The following C8orf34 variants were observed in gnomAD, a reference collection of about 807,000 sequenced individuals.
C8orf34 encodes uncharacterized protein C8orf34.
A neutral mutation model predicts 68.3 loss-of-function variants in C8orf34; 65 were observed. The observed-to-expected ratio is 0.95, with a 90% CI of 0.78 to 1.17. The LOEUF is 1.17. Among genes scored for constraint, C8orf34 ranks in the 50% most tolerant of loss-of-function variants. The probability of loss-of-function intolerance (pLI) is 0.00; values close to 1 mark genes in which losing one functional copy is unlikely to be tolerated. For missense variants in C8orf34, 664 were observed against 655.4 expected, an observed-to-expected ratio of 1.01 and a Z score of -0.14; for synonymous variants, 244 against 241.2, an observed-to-expected ratio of 1.01 and a Z score of -0.11.
At chr8:68,574,013 A>G (rs903811031) in intron 7 of C8orf34, among the ~76,000 whole-genome samples, 1 of 152,160 alleles carries the variant, frequency 6.6e-6, no homozygotes, top group African/African-American at 2.4e-5. Flanking sequence ...TACAGTTAAG[A>G]AACTGATTTA....
In C8orf34 at chr8:68,755,934, G is replaced by T. The variant is rs368373885; in HGVS notation, c.1405-20465G>T. ...AAAAAAAAATTAGCCGGGCGTGATG[G>T]CGGGCGCCTGTAGTCCCAGCTACTC... is the stretch of plus-strand genomic sequence containing the variant. On this transcript the variant is annotated intron_variant, in intron 10 of 13. Transcript: ENST00000518698. 2.1e-3 allele frequency among the ~76,000 whole-genome samples: 324 copies of T among 152,128 alleles called. 3 individuals are homozygous for T. The highest frequency in any genetic ancestry group is 7.3e-3 in the African/African-American group (304 of 41,488).
chr8:68,406,209 G>C (rs1809185585), intron 1 of C8orf34, among the ~76,000 whole-genome samples: 1 of 152,086 alleles, frequency 6.6e-6, no homozygotes, highest in Non-Finnish European at 1.5e-5. Flanking sequence ...CTGGTCCTCT[G>C]GGGGCTTTGG....
chr8:68,745,711 A>G (rs1822466541), intron 10 of C8orf34, among the ~76,000 whole-genome samples: 1 of 152,162 alleles, frequency 6.6e-6, no homozygotes, highest in Non-Finnish European at 1.5e-5. Flanking sequence ...TGCACCCAAT[A>G]CAGGAGCACC....
rs1004911835 is a variant in C8orf34, at chr8:68,661,783, T to C, written c.1241+21272T>C. On this transcript the variant is annotated intron_variant, in intron 8 of 13. Coordinates refer to ENST00000518698, the MANE Select transcript of C8orf34 (RefSeq NM_052958.4). ...ATATCTGGTGTAAGCACTTGTGGGG[T>C]AGTTGGAGGTTCTCGGGGGACCCTT... Among the ~76,000 whole-genome samples, 144 of 152,032 alleles carry C rather than the reference T, an allele frequency of 9.5e-4. 1 individual carries two copies. Among genetic ancestry groups the C allele is most frequent in the Middle Eastern group, 3.4e-3 (1 of 294 alleles).
intron 9 of C8orf34, among the ~76,000 whole-genome samples, chr8:68,718,861 T>C (rs1211458885): frequency 6.6e-6 from 1 of 152,200 alleles, no homozygotes. Flanking sequence ...AGGTTTCTGG[T>C]AAAATTACTT....
chr8:68,725,279 T>C (rs1563632036), intron 10 of C8orf34, among the ~76,000 whole-genome samples: 1 of 152,224 alleles, frequency 6.6e-6, no homozygotes, highest in East Asian at 1.9e-4. Context: ...TTTTCTTTTT[T>C]CCTTGTAAAT....
chr8:68,755,201 C>T (rs1483790882), intron 10 of C8orf34, among the ~76,000 whole-genome samples: 1 of 152,138 alleles, frequency 6.6e-6, no homozygotes, highest in African/African-American at 2.4e-5. Context: ...TGCATTCAAA[C>T]TAAAGCCCAA....
chr8:68,672,991 C>T (rs1820064425), intron 8 of C8orf34, among the ~76,000 whole-genome samples: 1 of 152,104 alleles, frequency 6.6e-6, no homozygotes, highest in South Asian at 2.1e-4. Context: ...GGCCCTAGCT[C>T]TCAGATGACA....
chr8:68,351,465 C>G lies in C8orf34; in HGVS notation c.327+20126C>G, dbSNP rs145036785. Among the ~76,000 whole-genome samples, 63 of 151,980 alleles carry G rather than the reference C, an allele frequency of 4.1e-4. No individual in the cohort carries two copies. In the East Asian group the frequency reaches 0.011, roughly 26 times the overall value. On this transcript the variant is annotated intron_variant, in intron 1 of 13. Transcript: ENST00000518698. ...GATGATCTTCTTGTGTAGAATCTTG[C>G]AAGAATTCTCTGTATTTCCTGAATT... is the stretch of plus-strand genomic sequence containing the variant.
intron 12 of C8orf34, among the ~76,000 whole-genome samples, chr8:68,794,399 G>A (rs1824103827): frequency 5.4e-5 from 1 of 18,654 alleles, no homozygotes; most frequent in Non-Finnish European, 9.1e-5. Context: ...TCGAACTCCT[G>A]GGCTCAAGCA....
chr8:68,497,624 A>G (rs907048794), intron 5 of C8orf34, among the ~76,000 whole-genome samples: 1 of 152,228 alleles, frequency 6.6e-6, no homozygotes, highest in Non-Finnish European at 1.5e-5. Context: ...CCATTAAAAT[A>G]AAAATACTGG....
chr8:68,534,389 A>G, intron 7 of C8orf34: 2 of 931,866 alleles, frequency 2.1e-6, no homozygotes, highest in Non-Finnish European at 2.6e-6. Context: ...TATGCTAAGC[A>G]CTTGGCTGGG....
At chr8:68,597,138 G>A (rs1274285632) in intron 7 of C8orf34, among the ~76,000 whole-genome samples, 2 of 152,016 alleles carry the variant, frequency 1.3e-5, no homozygotes, top group East Asian at 1.9e-4. Flanking sequence ...ATGGTGGTGG[G>A]AAGTTTCTGG....
chr8:68,532,985 T>G lies in C8orf34; in HGVS notation c.941T>G (p.Leu314Ter). 3.8e-6 allele frequency: 6 copies of G among 1,574,856 alleles called. No individual in the cohort carries two copies. The highest frequency in any genetic ancestry group is 5.2e-6 in the Non-Finnish European group (6 of 1,159,548). ...EDSGSSPAGS[L>*]KMEPKNKGLK... is the part of the protein sequence containing the mutation. ...TTAACATTTAAATATTTCTTCAGCT[T>G]AAAGATGGAGCCTAAGAACAAAGGA... Residue 314 changes from leucine (L) to a stop codon, truncating the protein, a stop_gained and splice_region_variant, in exon 7 of 14, where the codon TTA becomes TGA. Coordinates refer to ENST00000518698, the MANE Select transcript of C8orf34 (RefSeq NM_052958.4). LOFTEE classifies it high-confidence loss of function.
At chr8:68,725,730 C>T (rs963298027) in intron 10 of C8orf34, among the ~76,000 whole-genome samples, 2 of 152,094 alleles carry the variant, frequency 1.3e-5, no homozygotes, top group Non-Finnish European at 2.9e-5. Flanking sequence ...CAGGGCAGGA[C>T]AAAAACTCAT....
intron 7 of C8orf34, among the ~76,000 whole-genome samples, chr8:68,587,222 GATGAAATGTC>G (rs1331871050): frequency 1.3e-5 from 2 of 151,950 alleles, no homozygotes; most frequent in Non-Finnish European, 2.9e-5. Flanking sequence ...CTTTTTTGAG[GATGAAATGTC>G]ATGTGTCAAA....
intron 1 of C8orf34, among the ~76,000 whole-genome samples, chr8:68,382,527 C>G (rs72664921): frequency 2.9e-4 from 44 of 152,332 alleles, no homozygotes; most frequent in Middle Eastern, 3.4e-3. Flanking sequence ...TTGCAGAATA[C>G]TTTTGCTGGA....
intron 13 of C8orf34, among the ~76,000 whole-genome samples, 193 bp downstream of exon 13, chr8:68,816,138 CTGTGTGTG>C (rs138646973): frequency 1.4e-5 from 2 of 146,658 alleles, no homozygotes; most frequent in Non-Finnish European, 3.0e-5. Flanking sequence ...GTGTGTTTCT[CTGTGTGTG>C]TGTGTGTGTG....
chr8:68,701,101 A>C (rs1821003757), intron 8 of C8orf34, among the ~76,000 whole-genome samples: 1 of 152,082 alleles, frequency 6.6e-6, no homozygotes, highest in Admixed American at 6.6e-5. Flanking sequence ...ATATAATATC[A>C]TAATATTCTA....
Sources: gnomAD v4.1 joint callset for allele counts (sites outside exome capture counted in the v4.1 genomes callset) on GRCh38, gnomAD v4.1.1 for gene constraint, MANE v1.5 for transcripts, NCBI Gene and HGNC (gene_info 2026-07-23, HGNC 2026-07-21) for gene names.